HS3ST4: variants seen among roughly 807,000 people sequenced by gnomAD.
The protein encoded by HS3ST4 is heparan sulfate glucosamine 3-O-sulfotransferase 4.
A neutral mutation model predicts 29.2 loss-of-function variants in HS3ST4; 17 were observed. The observed-to-expected ratio is 0.58, with a 90% CI of 0.40 to 0.87. The LOEUF is 0.87. HS3ST4 is among the 40% of genes least tolerant of loss of function. The pLI is 0.00. For synonymous variants in HS3ST4, 314 were observed against 285.7 expected, an observed-to-expected ratio of 1.10 and a Z score of -1.00; for missense variants, 627 against 634.5, an observed-to-expected ratio of 0.99 and a Z score of 0.13.
intron 1 of HS3ST4, among the ~76,000 whole-genome samples, chr16:25,873,107 G>A (rs1487529669): frequency 6.6e-6 from 1 of 151,998 alleles, no homozygotes; most frequent in Non-Finnish European, 1.5e-5. Flanking sequence ...CTGTTCCCAT[G>A]TAGACCATTG....
chr16:26,103,682 A>G (rs1899016307), intron 1 of HS3ST4, among the ~76,000 whole-genome samples: 1 of 152,224 alleles, frequency 6.6e-6, no homozygotes, highest in African/African-American at 2.4e-5. Flanking sequence ...TCCCCAGCTT[A>G]ATTAATCTAA....
intron 1 of HS3ST4, among the ~76,000 whole-genome samples, chr16:25,866,224 A>T (rs1434885905): frequency 6.6e-6 from 1 of 152,218 alleles, no homozygotes; most frequent in Non-Finnish European, 1.5e-5. Flanking sequence ...TATAATAGAG[A>T]CTAATGACCC....
At chr16:25,810,641 C>CATT (rs1291904137) in intron 1 of HS3ST4, among the ~76,000 whole-genome samples, 1 of 152,168 alleles carries the variant, frequency 6.6e-6, no homozygotes, top group East Asian at 1.9e-4. Context: ...CATTTAGAAC[C>CATT]ATTCTTTTAC....
At chr16:26,017,310 A>C (rs1430246398) in intron 1 of HS3ST4, among the ~76,000 whole-genome samples, 3 of 152,192 alleles carry the variant, frequency 2.0e-5, no homozygotes, top group Non-Finnish European at 4.4e-5. Flanking sequence ...TGCTTGGTAA[A>C]ACTGTCCCTT....
rs9927419 is a variant in HS3ST4, at chr16:25,833,931, A to G, written c.734+140780A>G. On this transcript the variant is annotated intron_variant, in intron 1 of 1. Transcript: ENST00000331351. The stretch of plus-strand genomic sequence containing the variant: ...CAGATAACTGGCTAGCACTTCACCC[A>G]TTCATAACAAACTTGGCAATGTGTG... Among the ~76,000 whole-genome samples the G allele has an allele frequency of 3.1e-3, 467 of 152,314 alleles. 2 individuals are homozygous for G. Among genetic ancestry groups the G allele is most frequent in the African/African-American group, 0.011 (442 of 41,572 alleles).
rs551013843 is a variant in HS3ST4, at chr16:26,044,155, A to T, written c.735-91457A>T. Among the ~76,000 whole-genome samples the T allele has an allele frequency of 2.6e-5, 4 of 151,590 alleles. No homozygotes were observed. In the East Asian group the frequency reaches 7.8e-4, roughly 30 times the overall value. ...ATACTGGGTTCACTGCGTCGTGTGGATAAAGAAACCCAGTGGTGGCTTTAA... is the reference window on the plus strand; with the variant it reads ...ATACTGGGTTCACTGCGTCGTGTGGTTAAAGAAACCCAGTGGTGGCTTTAA... On this transcript the variant is annotated intron_variant, in intron 1 of 1. Transcript: ENST00000331351.
intron 1 of HS3ST4, among the ~76,000 whole-genome samples, chr16:25,936,144 A>G (rs1968514917): frequency 6.6e-6 from 1 of 152,208 alleles, no homozygotes; most frequent in Non-Finnish European, 1.5e-5. Flanking sequence ...TTGACAAGAA[A>G]GGGATGTATT....
rs534736102 is a variant in HS3ST4, at chr16:26,134,414, G to A, written c.735-1198G>A. ...GTCTCACTCTGTCACCCAGACTGGA[G>A]TGCAGTGGCACAATCTCAGCTCACT... On this transcript the variant is annotated intron_variant, in intron 1 of 1. Coordinates refer to ENST00000331351, the MANE Select transcript of HS3ST4 (RefSeq NM_006040.3). Among the ~76,000 whole-genome samples, 4 of 139,864 alleles carry A rather than the reference G, an allele frequency of 2.9e-5. No individual in the cohort carries two copies. The South Asian group carries it at 6.7e-4, about 23-fold the overall frequency. 91.8% of individuals were successfully genotyped at this position (139,864 alleles called of 152,430 possible). A position where few individuals can be genotyped will look rare whatever the true frequency, so the allele number is the denominator to read the frequency against.
At chr16:25,905,782 G>A (rs559435375) in intron 1 of HS3ST4, among the ~76,000 whole-genome samples, 1 of 152,228 alleles carries the variant, frequency 6.6e-6, no homozygotes, top group Admixed American at 6.5e-5. Flanking sequence ...TATTAATTTA[G>A]GATTAGTGTT....
At chr16:25,713,160 G>A (rs71384851) in intron 1 of HS3ST4, among the ~76,000 whole-genome samples, 29,572 of 151,896 alleles carry the variant, frequency 0.19, 3,242 homozygotes, top group South Asian at 0.39. Context: ...TCAACCTGTC[G>A]TCTAGGTTTT....
At chr16:25,758,979 C>CAAAA (rs35194185) in intron 1 of HS3ST4, among the ~76,000 whole-genome samples, 1 of 113,170 alleles carries the variant, frequency 8.8e-6, no homozygotes, top group Non-Finnish European at 2.2e-5. Context: ...AACAAAAAAA[C>CAAAA]AAAAAAAAAC....
intron 1 of HS3ST4, among the ~76,000 whole-genome samples, chr16:25,940,528 A>C (rs532609923): frequency 2.6e-5 from 4 of 152,326 alleles, no homozygotes; most frequent in African/African-American, 9.6e-5. Context: ...AGAATGTTGG[A>C]GTTCGTTCCA....
intron 1 of HS3ST4, among the ~76,000 whole-genome samples, chr16:25,915,727 C>T (rs1968287254): frequency 6.6e-6 from 1 of 152,124 alleles, no homozygotes; most frequent in Non-Finnish European, 1.5e-5. Flanking sequence ...TATGAATGAG[C>T]AAGAAAGCTT....
At chr16:25,994,351 A>T (rs1189707944) in intron 1 of HS3ST4, among the ~76,000 whole-genome samples, 1 of 151,368 alleles carries the variant, frequency 6.6e-6, no homozygotes, top group Non-Finnish European at 1.5e-5. Flanking sequence ...CTTTAGATTT[A>T]TTTTTTCTAT....
At chr16:26,050,314 C>CTA (rs150391653) in intron 1 of HS3ST4, among the ~76,000 whole-genome samples, 10 of 151,838 alleles carry the variant, frequency 6.6e-5, no homozygotes, top group Non-Finnish European at 1.3e-4. Flanking sequence ...CTCTCTCTTT[C>CTA]TATATATATA....
At chr16:25,813,917 A>T (rs1967066963) in intron 1 of HS3ST4, among the ~76,000 whole-genome samples, 1 of 152,224 alleles carries the variant, frequency 6.6e-6, no homozygotes, top group Admixed American at 6.5e-5. Flanking sequence ...ACAACAACAA[A>T]AAGACAAGCA....
chr16:25,913,209 G>A (rs1274720048), intron 1 of HS3ST4, among the ~76,000 whole-genome samples: 1 of 152,220 alleles, frequency 6.6e-6, no homozygotes, highest in Non-Finnish European at 1.5e-5. Flanking sequence ...GTTGATTAAT[G>A]CTGTGGCTGA....
intron 1 of HS3ST4, among the ~76,000 whole-genome samples, chr16:25,982,579 A>G (rs1036271754): frequency 4.6e-5 from 7 of 152,218 alleles, no homozygotes; most frequent in South Asian, 2.1e-4. Flanking sequence ...TGTAATGCCA[A>G]CACTTTGGAA....
chr16:26,121,302 C>T (rs11640666), intron 1 of HS3ST4, among the ~76,000 whole-genome samples: 1 of 151,886 alleles, frequency 6.6e-6, no homozygotes, highest in African/African-American at 2.4e-5. Flanking sequence ...TCTGGACATG[C>T]GACTAGTGGA....
Sources: gnomAD v4.1 joint callset for allele counts (sites outside exome capture counted in the v4.1 genomes callset) on GRCh38, gnomAD v4.1.1 for gene constraint, MANE v1.5 for transcripts, NCBI Gene and HGNC (gene_info 2026-07-23, HGNC 2026-07-21) for gene names.